NTRK3: variants seen among roughly 807,000 people sequenced by gnomAD.
The protein encoded by NTRK3 is NT-3 growth factor receptor.
A neutral mutation model predicts 91.7 loss-of-function variants in NTRK3; 24 were observed. That is an observed-to-expected ratio of 0.26 (90% CI 0.19 to 0.37). The LOEUF (loss-of-function observed/expected upper bound fraction) is 0.37, where lower values mean the gene tolerates loss of function less well. Ranked by LOEUF, NTRK3 falls within the 10% of genes least tolerant of loss-of-function variation. NTRK3 has a pLI of 1.00. For missense variants in NTRK3, 880 were observed against 1,068.9 expected, an observed-to-expected ratio of 0.82 and a Z score of 2.46; for synonymous variants, 483 against 404.0, an observed-to-expected ratio of 1.20 and a Z score of -2.34.
rs1335046035 is a variant in NTRK3, at chr15:88,241,996, G to T, written c.248+13910C>A. On this transcript the variant is annotated intron_variant, in intron 3 of 18. Coordinates refer to ENST00000394480, the Ensembl canonical transcript of NTRK3. The surrounding 1 kb of genome is among the most constrained non-coding windows in gnomAD (Gnocchi z 4.3). ...ACGGCTTTCCCAGCTCTCCCAAGTGGCTGGCCCATCAGAGACTCTCCAATA... is the reference window on the plus strand; with the variant it reads ...ACGGCTTTCCCAGCTCTCCCAAGTGTCTGGCCCATCAGAGACTCTCCAATA... 1.3e-5 allele frequency among the ~76,000 whole-genome samples: 2 copies of T among 152,152 alleles called. No homozygotes were observed. Among genetic ancestry groups the T allele is most frequent in the Non-Finnish European group, 2.9e-5 (2 of 68,030 alleles).
chr15:88,059,049 AACACACACACAC>A (rs56706510), intron 13 of NTRK3, among the ~76,000 whole-genome samples: 25 of 144,622 alleles, frequency 1.7e-4, no homozygotes, highest in Non-Finnish European at 3.7e-4. Context: ...CTCACACACA[AACACACACACAC>A]ACACACACAC....
chr15:88,227,878 G>T (rs2050817843), intron 3 of NTRK3, among the ~76,000 whole-genome samples: 1 of 151,948 alleles, frequency 6.6e-6, no homozygotes, highest in Admixed American at 6.6e-5. Flanking sequence ...ACTCCCGTGG[G>T]TCCTTTCTCC....
At chr15:88,175,857 C>T (rs1191333788) in intron 5 of NTRK3, among the ~76,000 whole-genome samples, 1 of 152,122 alleles carries the variant, frequency 6.6e-6, no homozygotes, top group African/African-American at 2.4e-5. Flanking sequence ...GAATGTCAGG[C>T]CATGTGGTTC....
chr15:88,159,993 C>CACACACA (rs944163127), intron 5 of NTRK3, among the ~76,000 whole-genome samples: 2 of 143,640 alleles, frequency 1.4e-5, no homozygotes, highest in African/African-American at 2.6e-5. Context: ...CACACACACA[C>CACACACA]ATTGCTTGAA....
At position 88,136,052 on chromosome 15, in the gene NTRK3, A is replaced by G. The variant is rs2041846917; in HGVS notation, c.766-12T>C. On this transcript the variant is annotated splice_polypyrimidine_tract_variant and intron_variant, in intron 8 of 18. Coordinates refer to ENST00000394480, the Ensembl canonical transcript of NTRK3. Reference sequence around the variant, plus strand: ...CAGTTCAGATTGGTCTGAAAACCCCAATAAAAAGATAACAATCAGATAGCT... The same window carrying G: ...CAGTTCAGATTGGTCTGAAAACCCCGATAAAAAGATAACAATCAGATAGCT... The G allele has an allele frequency of 6.2e-7, 1 of 1,614,080 alleles. No individual in the cohort carries two copies. The highest frequency in any genetic ancestry group is 8.5e-7 in the Non-Finnish European group (1 of 1,180,030).
chr15:88,139,491 T>C (rs1268022197), intron 6 of NTRK3, among the ~76,000 whole-genome samples: 2 of 152,128 alleles, frequency 1.3e-5, no homozygotes, highest in South Asian at 2.1e-4. Flanking sequence ...GTGAGGCTCC[T>C]GGGGAAAAGA....
chr15:88,151,963 C>T (rs1244267298), intron 5 of NTRK3, among the ~76,000 whole-genome samples: 2 of 152,174 alleles, frequency 1.3e-5, no homozygotes, highest in African/African-American at 4.8e-5. Flanking sequence ...TGAGTGTTTT[C>T]TGTTGTAATG....
chr15:87,880,489 G>A (rs2141470814), intron 17 of NTRK3, 61 bp from the exon 19 acceptor site: 1 of 1,561,304 alleles, frequency 6.4e-7, no homozygotes, highest in Non-Finnish European at 8.8e-7. Context: ...AGTGTTATCT[G>A]TCTGCACTCT....
chr15:88,210,302 G>A (rs998298102), intron 3 of NTRK3, among the ~76,000 whole-genome samples: 4 of 152,148 alleles, frequency 2.6e-5, no homozygotes, highest in Non-Finnish European at 5.9e-5. Flanking sequence ...GAAGCAATTC[G>A]AAGAGCAGCC....
At chr15:88,149,257 T>C (rs921438358) in intron 5 of NTRK3, among the ~76,000 whole-genome samples, 25 of 150,404 alleles carry the variant, frequency 1.7e-4, no homozygotes, top group Admixed American at 3.3e-4. Flanking sequence ...CAGCCTGAAC[T>C]GGCTAGGTCC....
Position 88,135,447 on chromosome 15 carries a change from C to T in NTRK3, c.908-50G>A, listed in dbSNP as rs374957938. On this transcript the variant is annotated intron_variant, in intron 9 of 18. Coordinates refer to ENST00000394480, the Ensembl canonical transcript of NTRK3. The stretch of plus-strand genomic sequence containing the variant: ...ATCCAGGACACAGAGTCTACCACCT[C>T]CTGCAGTAGCCTTCCAGCAACTAAA... 1.4e-5 allele frequency: 23 copies of T among 1,586,578 alleles called. No homozygotes were observed. In the African/African-American group the frequency reaches 2.4e-4, roughly 17 times the overall value.
At chr15:88,045,508 C>G (rs1488576077) in intron 13 of NTRK3, among the ~76,000 whole-genome samples, 2 of 152,168 alleles carry the variant, frequency 1.3e-5, no homozygotes, top group African/African-American at 4.8e-5. Context: ...ATACGTTGCC[C>G]CAAGTGCTAC....
At position 88,176,136 on chromosome 15, in the gene NTRK3, C is replaced by CTTTTTT. The variant is rs139583264; in HGVS notation, c.395+7276_395+7281dup. Among the ~76,000 whole-genome samples, 338 of 116,052 alleles carry CTTTTTT rather than the reference C, an allele frequency of 2.9e-3. 7 individuals carry two copies. The highest frequency in any genetic ancestry group is 4.1e-3 in the African/African-American group (113 of 27,556). The allele number at this position is 116,052 out of a possible 152,430, so 76.1% of individuals were successfully genotyped here. A position where few individuals can be genotyped will look rare whatever the true frequency, so the allele number is the denominator to read the frequency against. ...TGTAATATTTGCCTATATGCCCCTT[C>CTTTTTT]TTTTTTTTTTTTTTTTTTTGAGACA... On this transcript the variant is annotated intron_variant, in intron 5 of 18. Transcript: ENST00000394480.
intron 17 of NTRK3, chr15:87,916,205 C>T (rs1199892705): frequency 3.7e-6 from 1 of 266,704 alleles, no homozygotes; most frequent in East Asian, 5.4e-5. Context: ...CAAGGGAACA[C>T]AACATTCTCT....
chr15:88,096,736 G>T (rs971551893), intron 13 of NTRK3, among the ~76,000 whole-genome samples: 14 of 152,194 alleles, frequency 9.2e-5, no homozygotes, highest in Non-Finnish European at 1.9e-4. Context: ...GCAACTTTGA[G>T]GCAGGTGCCA....
chr15:88,187,054 G>A (rs903275543), intron 3 of NTRK3, among the ~76,000 whole-genome samples: 2 of 152,234 alleles, frequency 1.3e-5, no homozygotes, highest in African/African-American at 4.8e-5. Context: ...GCACATGTAA[G>A]TTCTCAGGCA....
At chr15:88,100,593 G>A (rs1414553571) in intron 13 of NTRK3, among the ~76,000 whole-genome samples, 1 of 152,166 alleles carries the variant, frequency 6.6e-6, no homozygotes, top group Non-Finnish European at 1.5e-5. Flanking sequence ...CAGAAGAAGG[G>A]CATAAGAAAA....
chr15:88,205,605 C>G (rs765152005), intron 3 of NTRK3, among the ~76,000 whole-genome samples: 1 of 152,166 alleles, frequency 6.6e-6, no homozygotes, highest in Non-Finnish European at 1.5e-5. Context: ...TGAAAGGTAA[C>G]CCAACTGCAC....
intron 13 of NTRK3, among the ~76,000 whole-genome samples, chr15:88,068,664 T>C (rs1227906669): frequency 6.6e-6 from 1 of 152,148 alleles, no homozygotes; most frequent in Non-Finnish European, 1.5e-5. Flanking sequence ...GGGGTCTTGC[T>C]GGGGTTTGCA....
Sources: allele counts gnomAD v4.1 joint callset (sites outside exome capture counted in the v4.1 genomes callset), GRCh38; gene constraint gnomAD v4.1.1; non-coding constraint Gnocchi (gnomAD v3.1); transcripts MANE v1.5; gene names NCBI Gene and HGNC (gene_info 2026-07-23, HGNC 2026-07-21).